The following TAF10 variants were observed in gnomAD, a reference collection of about 807,000 sequenced individuals.
TAF10 encodes transcription initiation factor TFIID subunit 10.
A neutral mutation model predicts 18.1 loss-of-function variants in TAF10; 2 were observed. The ratio of observed to expected loss-of-function variants is 0.11; its 90% CI spans 0.05 to 0.35. The LOEUF (loss-of-function observed/expected upper bound fraction) is 0.35. Among genes scored for constraint, TAF10 ranks in the 10% least tolerant of loss-of-function variants. The pLI, the probability that TAF10 is intolerant of heterozygous loss-of-function variation, is 1.00. For synonymous variants in TAF10, 158 were observed against 134.6 expected, an observed-to-expected ratio of 1.17 and a Z score of -1.20; for missense variants, 293 against 306.9, an observed-to-expected ratio of 0.95 and a Z score of 0.34.
At chr11:6,611,079 CT>C in intron 4 of TAF10, 68 bp from the exon 5 acceptor site, 4 of 1,595,450 alleles carry the variant, frequency 2.5e-6, no homozygotes, top group Non-Finnish European at 3.4e-6. Flanking sequence ...ATGGGTGACC[CT>C]GAGTAAGTCT....
Position 6,610,467 on chromosome 11 carries a change from A to G in TAF10, c.*455T>C, listed in dbSNP as rs1855396227. On this transcript the variant is annotated 3_prime_UTR_variant, in exon 5 of 5. Transcript: ENST00000299424. ...TTTTTTTCTTGTATTCGCAGGTGGC[A>G]TTGGAAGGCCTTCGGCCTACCATCC... The G allele has an allele frequency of 1.9e-6, 3 of 1,614,250 alleles. No individual in the cohort carries two copies. In the South Asian group the frequency reaches 3.3e-5, roughly 18 times the overall value.
In TAF10 at chr11:6,609,295, G is replaced by A. The variant is rs553149713; in HGVS notation, c.*1627C>T. On this transcript the variant is annotated 3_prime_UTR_variant, in exon 5 of 5. Coordinates refer to ENST00000299424, the MANE Select transcript of TAF10 (RefSeq NM_006284.4). ...AAGCCTCCTAACCCCTACCTGTCCT[G>A]CAGCTATGGAAGGGCCGCTGGCAGG... 1.2e-6 allele frequency: 2 copies of A among 1,613,862 alleles called. No individual in the cohort carries two copies. The highest frequency in any genetic ancestry group is 1.7e-6 in the Non-Finnish European group (2 of 1,179,782).
At chr11:6,611,921 A>G in intron 1 of TAF10, 37 bp downstream of exon 1, 3 of 1,576,558 alleles carry the variant, frequency 1.9e-6, no homozygotes. Context: ...ACCCAGCCCA[A>G]GACGCTTCCC....
chr11:6,607,789 A>C lies in TAF10; in HGVS notation c.*3133T>G. The C allele has an allele frequency of 2.0e-6, 1 of 511,216 alleles. No individual in the cohort carries two copies. Among genetic ancestry groups the C allele is most frequent in the Non-Finnish European group, 3.6e-6 (1 of 281,378 alleles). The allele number at this position is 511,216 out of a possible 1,614,324, so 31.7% of individuals were successfully genotyped here. The stretch of plus-strand genomic sequence containing the variant: ...AACCAGGGGAAGAGCACTACCACCT[A>C]AGGAAATGAGATGTGGGATATGGTG... On this transcript the variant is annotated 3_prime_UTR_variant, in exon 5 of 5. Coordinates refer to ENST00000299424, the MANE Select transcript of TAF10 (RefSeq NM_006284.4).
chr11:6,608,041 C>T lies in TAF10; in HGVS notation c.*2881G>A, dbSNP rs201421009. On this transcript the variant is annotated 3_prime_UTR_variant, in exon 5 of 5. Coordinates refer to ENST00000299424, the MANE Select transcript of TAF10 (RefSeq NM_006284.4). The surrounding 1 kb of genome is among the most constrained non-coding windows in gnomAD (Gnocchi z 4.9). ...AGCTCAATGACCATTGCCCCTTCCT[C>T]AAAGGGACGATCATGGCTTCTCCCC... 10 of 1,613,842 alleles carry T rather than the reference C, an allele frequency of 6.2e-6. No homozygotes were observed. The East Asian group carries it at 2.2e-4, about 36-fold the overall frequency.
rs1228375909 is a variant in TAF10, at chr11:6,612,076, G to A, written c.114C>T (p.Ala38=). ...CCGCGGGGCTGGCCTTGTTCTCCGC[G>A]GCGGTGCTGGAGGGCAGCGCGGCGG... The part of the protein sequence containing the change: ...SAPAALPSST[A]AENKASPAGT... The change falls in exon 1 of 5, where the codon GCC becomes GCT. Residue 38 remains alanine (A), a synonymous_variant. Coordinates refer to ENST00000299424, the MANE Select transcript of TAF10 (RefSeq NM_006284.4). 5 of 1,383,654 alleles carry A rather than the reference G, an allele frequency of 3.6e-6. No individual in the cohort carries two copies. The highest frequency in any genetic ancestry group is 1.5e-5 in the African/African-American group (1 of 65,292). The allele number at this position is 1,383,654 out of a possible 1,614,324, so 85.7% of individuals were successfully genotyped here.
rs1855384531 is a variant in TAF10 at position 6,610,407 on chromosome 11, T to C, written c.*515A>G. 6.2e-7 allele frequency: 1 copy of C among 1,613,804 alleles called. No individual in the cohort carries two copies. ...AATCCTGTCCCAAGGGCCAGTGGCT[T>C]CTCTCTACATGACAGACTCAAATTG... On this transcript the variant is annotated 3_prime_UTR_variant, in exon 5 of 5. Coordinates refer to ENST00000299424, the MANE Select transcript of TAF10 (RefSeq NM_006284.4).
chr11:6,611,659 C>T lies in TAF10; in HGVS notation c.387+5G>A. On this transcript the variant is annotated splice_donor_5th_base_variant and intron_variant, in intron 2 of 4. Coordinates refer to ENST00000299424, the MANE Select transcript of TAF10 (RefSeq NM_006284.4). ...CTAGGTGGCCTTGTTCGGGCGGAAGCCCACCGTAGGCGTGTAATCTTCCAG... is the reference window on the plus strand; with the variant it reads ...CTAGGTGGCCTTGTTCGGGCGGAAGTCCACCGTAGGCGTGTAATCTTCCAG... 1 of 1,579,638 alleles carries T rather than the reference C, an allele frequency of 6.3e-7. No individual in the cohort carries two copies. Among genetic ancestry groups the T allele is most frequent in the Non-Finnish European group, 8.6e-7 (1 of 1,160,880 alleles).
rs202151101 is a variant in TAF10, at chr11:6,610,950, T to G, written c.629A>C (p.Asn210Thr). Residue 210 changes from asparagine (N) to threonine (T), a missense_variant, in exon 5 of 5, where the codon AAT (asparagine) becomes ACT (threonine). Physicochemically the swap from Asn to Thr is moderately conservative, Grantham distance 65. Coordinates refer to ENST00000299424, the MANE Select transcript of TAF10 (RefSeq NM_006284.4). The stretch of plus-strand genomic sequence containing the variant: ...GGTGAAGTAGTGCGGCTTCTTCACA[T>G]TGATGCCATACTCGCTGAGGGCAGG... ...LTPALSEYGI[N>T]VKKPHYFT The G allele has an allele frequency of 6.2e-7, 1 of 1,614,198 alleles. No individual in the cohort carries two copies. Among genetic ancestry groups the G allele is most frequent in the Admixed American group, 1.7e-5 (1 of 60,032 alleles).
At position 6,609,225 on chromosome 11, in the gene TAF10, A is replaced by G. The variant is rs1855254415; in HGVS notation, c.*1697T>C. On this transcript the variant is annotated 3_prime_UTR_variant, in exon 5 of 5. Coordinates refer to ENST00000299424, the MANE Select transcript of TAF10 (RefSeq NM_006284.4). The stretch of plus-strand genomic sequence containing the variant: ...AATTACTTGCTTTGTACCTGTTTTA[A>G]GTTTTTCCTCCAGTTAGTGGGCAAG... 4 of 1,601,730 alleles carry G rather than the reference A, an allele frequency of 2.5e-6. No homozygotes were observed. The highest frequency in any genetic ancestry group is 1.7e-5 in the Admixed American group (1 of 59,986).
chr11:6,609,417 A>G lies in TAF10; in HGVS notation c.*1505T>C. Reference sequence around the variant, plus strand: ...GAGTGTCCCCGGCTCAGGTAGTGCAAGGCGTAACCTGGAAGCTGCTAGTTC... The same window carrying G: ...GAGTGTCCCCGGCTCAGGTAGTGCAGGGCGTAACCTGGAAGCTGCTAGTTC... On this transcript the variant is annotated 3_prime_UTR_variant, in exon 5 of 5. Coordinates refer to ENST00000299424, the MANE Select transcript of TAF10 (RefSeq NM_006284.4). 6 of 1,613,640 alleles carry G rather than the reference A, an allele frequency of 3.7e-6. No homozygotes were observed. The highest frequency in any genetic ancestry group is 5.1e-6 in the Non-Finnish European group (6 of 1,179,628).
chr11:6,611,513 G>T, intron 2 of TAF10, 61 bp from the exon 3 acceptor site: 1 of 1,604,400 alleles, frequency 6.2e-7, no homozygotes, highest in Non-Finnish European at 8.5e-7. Context: ...AAATGGATAG[G>T]CCTGATTATC....
Position 6,608,784 on chromosome 11 carries a change from C to T in TAF10, c.*2138G>A. Reference sequence around the variant, plus strand: ...AGCCAAGGCACCCCTGAGAGAGCTTCTCCGAGGTCCATCTCCCCATCCCCT... The same window carrying T: ...AGCCAAGGCACCCCTGAGAGAGCTTTTCCGAGGTCCATCTCCCCATCCCCT... On this transcript the variant is annotated 3_prime_UTR_variant, in exon 5 of 5. Coordinates refer to ENST00000299424, the MANE Select transcript of TAF10 (RefSeq NM_006284.4). The surrounding 1 kb of genome is among the most constrained non-coding windows in gnomAD (Gnocchi z 4.9). 6.2e-7 allele frequency: 1 copy of T among 1,613,788 alleles called. No individual in the cohort carries two copies. Among genetic ancestry groups the T allele is most frequent in the Non-Finnish European group, 8.5e-7 (1 of 1,179,670 alleles).
In TAF10 at chr11:6,610,081, A is replaced by T. The variant is rs1248303978; in HGVS notation, c.*841T>A. 1 of 1,613,870 alleles carries T rather than the reference A, an allele frequency of 6.2e-7. No individual in the cohort carries two copies. Among genetic ancestry groups the T allele is most frequent in the Non-Finnish European group, 8.5e-7 (1 of 1,179,916 alleles). On this transcript the variant is annotated 3_prime_UTR_variant, in exon 5 of 5. Coordinates refer to ENST00000299424, the MANE Select transcript of TAF10 (RefSeq NM_006284.4). Reference sequence around the variant, plus strand: ...GGGAGGTAAAAAAGGACCACCTCAGAAGTAGTGGAAGGGGGCAGAGACAGG... The same window carrying T: ...GGGAGGTAAAAAAGGACCACCTCAGTAGTAGTGGAAGGGGGCAGAGACAGG...
rs1281514185 is a variant in TAF10 at position 6,609,919 on chromosome 11, T to C, written c.*1003A>G. 1 of 1,614,068 alleles carries C rather than the reference T, an allele frequency of 6.2e-7. No individual in the cohort carries two copies. The highest frequency in any genetic ancestry group is 1.3e-5 in the African/African-American group (1 of 74,942). Reference sequence around the variant, plus strand: ...TATCTATGACTTACCTCCTTCTATCTGTTTTCTCTTCCTCAGATTGATGAG... The same window carrying C: ...TATCTATGACTTACCTCCTTCTATCCGTTTTCTCTTCCTCAGATTGATGAG... On this transcript the variant is annotated 3_prime_UTR_variant, in exon 5 of 5. Coordinates refer to ENST00000299424, the MANE Select transcript of TAF10 (RefSeq NM_006284.4).
rs1855480958 is a variant in TAF10, at chr11:6,612,075, C to T, written c.115G>A (p.Ala39Thr). The change falls in exon 1 of 5, where the codon GCG becomes ACG. Residue 39 changes from alanine (A) to threonine (T), a missense_variant. Physicochemically the swap from Ala to Thr is moderately conservative, Grantham distance 58. Transcript: ENST00000299424. Reference protein sequence around the residue: ...APAALPSSTAAENKASPAGTA... With the variant: ...APAALPSSTATENKASPAGTA... ...CCCGCGGGGCTGGCCTTGTTCTCCG[C>T]GGCGGTGCTGGAGGGCAGCGCGGCG... The T allele has an allele frequency of 7.2e-7, 1 of 1,384,500 alleles. No individual in the cohort carries two copies. Among genetic ancestry groups the T allele is most frequent in the South Asian group, 1.6e-5 (1 of 61,670 alleles). The allele number at this position is 1,384,500 out of a possible 1,614,324, so 85.8% of individuals were successfully genotyped here.
Position 6,610,991 on chromosome 11 carries a change from G to T in TAF10, c.588C>A (p.Thr196=). ...SKSKDRKYTL[T]MEDLTPALSE... ...TGAGGGCAGGGGTCAAGTCCTCCAT[G>T]GTTAGAGTGTACTTGCGGTCCTGAG... Residue 196 remains threonine, a synonymous_variant, in exon 5 of 5, where the codon ACC becomes ACA. Coordinates refer to ENST00000299424, the MANE Select transcript of TAF10 (RefSeq NM_006284.4). 1 of 1,614,168 alleles carries T rather than the reference G, an allele frequency of 6.2e-7. No homozygotes were observed. The highest frequency in any genetic ancestry group is 8.5e-7 in the Non-Finnish European group (1 of 1,180,050).
At position 6,610,620 on chromosome 11, in the gene TAF10, G is replaced by C. The variant is rs749954343; in HGVS notation, c.*302C>G. 3 of 1,614,142 alleles carry C rather than the reference G, an allele frequency of 1.9e-6. No homozygotes were observed. Among genetic ancestry groups the C allele is most frequent in the Non-Finnish European group, 2.5e-6 (3 of 1,179,980 alleles). On this transcript the variant is annotated 3_prime_UTR_variant, in exon 5 of 5. Coordinates refer to ENST00000299424, the MANE Select transcript of TAF10 (RefSeq NM_006284.4). Reference sequence around the variant, plus strand: ...AGATGCAGGACAAGTAGGACTGGAAGGTCCTTGCCTGAACTCCAGAGGTGT... The same window carrying C: ...AGATGCAGGACAAGTAGGACTGGAACGTCCTTGCCTGAACTCCAGAGGTGT...
chr11:6,608,873 T>C lies in TAF10; in HGVS notation c.*2049A>G, dbSNP rs1465056090. On this transcript the variant is annotated 3_prime_UTR_variant, in exon 5 of 5. Transcript: ENST00000299424. The surrounding 1 kb of genome is among the most constrained non-coding windows in gnomAD (Gnocchi z 4.9). ...CTCTGTACCACAGCTTAGGTTGTTTTTCTTCCCTAGAGCGGGCAGAGAAGA... is the reference window on the plus strand; with the variant it reads ...CTCTGTACCACAGCTTAGGTTGTTTCTCTTCCCTAGAGCGGGCAGAGAAGA... The C allele has an allele frequency of 2.5e-6, 4 of 1,614,046 alleles. No individual in the cohort carries two copies. In the East Asian group the frequency reaches 6.7e-5, roughly 27 times the overall value.
Sources: allele counts gnomAD v4.1 joint callset, GRCh38; gene constraint gnomAD v4.1.1; non-coding constraint Gnocchi (gnomAD v3.1); transcripts MANE v1.5; gene names NCBI Gene and HGNC (gene_info 2026-07-23, HGNC 2026-07-21).